Variants in RPL35A observed in about 807,000 individuals in gnomAD.
RPL35A encodes ribosomal protein L35a, also known as large ribosomal subunit protein eL33.
Under a neutral mutation model 16.7 loss-of-function variants are expected in RPL35A, and 1 was observed. The ratio of observed to expected loss-of-function variants is 0.06; its 90% CI spans 0.02 to 0.28. The LOEUF (loss-of-function observed/expected upper bound fraction) is 0.28. Among genes scored for constraint, RPL35A ranks in the 10% least tolerant of loss-of-function variants. The probability of loss-of-function intolerance (pLI) is 1.00; values close to 1 mark genes in which losing one functional copy is unlikely to be tolerated. For missense variants in RPL35A, 91 were observed against 138.7 expected (o/e 0.66, Z 1.73); for synonymous variants, 58 against 47.0 (o/e 1.23, Z -0.96).
At chr3:197,951,649 G>C in intron 3 of RPL35A, 1 of 319,058 alleles carries the variant, frequency 3.1e-6, no homozygotes, top group South Asian at 3.0e-5. Context: ...CACCGCGCCT[G>C]GCCTCATTAT....
At chr3:197,954,912 AT>A (rs1266404888) in intron 4 of RPL35A, among the ~76,000 whole-genome samples, 1 of 152,190 alleles carries the variant, frequency 6.6e-6, no homozygotes, top group African/African-American at 2.4e-5. Context: ...ATATTTTGCC[AT>A]TTCCATCATG....
intron 3 of RPL35A, among the ~76,000 whole-genome samples, chr3:197,951,940 G>T (rs1440995427): frequency 1.3e-5 from 2 of 152,040 alleles, no homozygotes; most frequent in Non-Finnish European, 2.9e-5. Flanking sequence ...CTTCTATTTT[G>T]CGTCATTAAG....
chr3:197,955,926 G>T lies in RPL35A; in HGVS notation c.*153G>T. On this transcript the variant is annotated 3_prime_UTR_variant, in exon 5 of 5. Coordinates refer to ENST00000647248, the MANE Select transcript of RPL35A (RefSeq NM_000996.4). The stretch of plus-strand genomic sequence containing the variant: ...GTACAAGGGGGTCAGAGAGACATGT[G>T]ATGAAAATTACAGGGCGAGTACAGA... The T allele has an allele frequency of 1.4e-6, 1 of 690,128 alleles. No homozygotes were observed. Among genetic ancestry groups the T allele is most frequent in the Non-Finnish European group, 2.6e-6 (1 of 384,384 alleles). The allele number at this position is 690,128 out of a possible 1,614,324, so 42.8% of individuals were successfully genotyped here.
At chr3:197,954,348 G>A (rs1232516664) in intron 4 of RPL35A, 1 of 615,564 alleles carries the variant, frequency 1.6e-6, no homozygotes, top group Non-Finnish European at 2.9e-6. Flanking sequence ...TTTTTTTTTG[G>A]GGGGAGACAG....
At chr3:197,952,489 TTTTCTTTTTTTC>T (rs1429419558) in intron 3 of RPL35A, 2 of 152,010 alleles carry the variant, frequency 1.3e-5, no homozygotes, top group Admixed American at 6.6e-5. Context: ...CTTTTCTTTC[TTTTCTTTTTTTC>T]TTTCTTTTTT....
chr3:197,950,877 G>A, intron 1 of RPL35A, 59 bp from the exon 2 acceptor site: 1 of 1,532,032 alleles, frequency 6.5e-7, no homozygotes. Flanking sequence ...AAACGAGAGG[G>A]GACGAGGTGG....
At chr3:197,952,014 T>G (rs528701021) in intron 3 of RPL35A, among the ~76,000 whole-genome samples, 4 of 152,170 alleles carry the variant, frequency 2.6e-5, no homozygotes, top group Non-Finnish European at 5.9e-5. Flanking sequence ...TAGGTACCTT[T>G]TGCACTTGTA....
chr3:197,950,835 TC>T (rs1444731067), intron 1 of RPL35A, 100 bp from the exon 2 acceptor site: 5 of 1,025,756 alleles, frequency 4.9e-6, no homozygotes, highest in Non-Finnish European at 7.5e-6. Context: ...TACATGAAAC[TC>T]CCATCCAAAA....
At chr3:197,952,488 C>A (rs1581102038) in intron 3 of RPL35A, 1 of 151,754 alleles carries the variant, frequency 6.6e-6, no homozygotes, top group East Asian at 1.9e-4. Flanking sequence ...TCTTTTCTTT[C>A]TTTTCTTTTT....
In RPL35A at chr3:197,955,855, A is replaced by T; in HGVS notation, c.*82A>T. 1 of 1,134,898 alleles carries T rather than the reference A, an allele frequency of 8.8e-7. No individual in the cohort carries two copies. Among genetic ancestry groups the T allele is most frequent in the Non-Finnish European group, 1.3e-6 (1 of 748,310 alleles). 70.3% of individuals were successfully genotyped at this position (1,134,898 alleles called of 1,614,324 possible). A position where few individuals can be genotyped will look rare whatever the true frequency, so the allele number is the denominator to read the frequency against. ...TTAAAAAACTTACTACCTTAAATTG[A>T]TTTGCTACATGCTTAAAATGATAGA... On this transcript the variant is annotated 3_prime_UTR_variant, in exon 5 of 5. Coordinates refer to ENST00000647248, the MANE Select transcript of RPL35A (RefSeq NM_000996.4).
intron 3 of RPL35A, chr3:197,953,634 A>G: frequency 2.2e-6 from 1 of 455,082 alleles, no homozygotes; most frequent in Non-Finnish European, 4.4e-6. Flanking sequence ...CCTCAGTGAG[A>G]CCTTCCTTGG....
chr3:197,953,847 T>G, intron 3 of RPL35A, 156 bp from the exon 4 acceptor site: 1 of 725,276 alleles, frequency 1.4e-6, no homozygotes, highest in Non-Finnish European at 2.5e-6. Context: ...AGTTACTCGA[T>G]AAGTATCTGT....
intron 4 of RPL35A, 116 bp downstream of exon 4, chr3:197,954,263 G>C (rs1303940033): frequency 9.7e-7 from 1 of 1,027,846 alleles, no homozygotes; most frequent in South Asian, 1.3e-5. Context: ...AAATTATGCT[G>C]CAAAATTTGT....
Position 197,950,210 on chromosome 3 carries a change from G to A in RPL35A, c.-44G>A, listed in dbSNP as rs1719933029. On this transcript the variant is annotated 5_prime_UTR_variant, in exon 1 of 5. Coordinates refer to ENST00000647248, the MANE Select transcript of RPL35A (RefSeq NM_000996.4). Reference sequence around the variant, plus strand: ...TCGTCCTTCTCTTACCGCCATCTTGGCTCCTGTGGAGGTGAGTGAAGGGTC... The same window carrying A: ...TCGTCCTTCTCTTACCGCCATCTTGACTCCTGTGGAGGTGAGTGAAGGGTC... The A allele has an allele frequency of 4.1e-6, 5 of 1,231,506 alleles. No homozygotes were observed. Among genetic ancestry groups the A allele is most frequent in the African/African-American group, 3.1e-5 (2 of 64,558 alleles). The allele number at this position is 1,231,506 out of a possible 1,614,324, so 76.3% of individuals were successfully genotyped here.
At chr3:197,952,162 G>GTTTTTTTTTTT (rs1161903755) in intron 3 of RPL35A, among the ~76,000 whole-genome samples, 2 of 83,888 alleles carry the variant, frequency 2.4e-5, no homozygotes, top group African/African-American at 1.0e-4. Flanking sequence ...AAAATTATGG[G>GTTTTTTTTTTT]TTTTTTTTTT....
At chr3:197,954,689 T>G (rs1476440177) in intron 4 of RPL35A, among the ~76,000 whole-genome samples, 1 of 152,124 alleles carries the variant, frequency 6.6e-6, no homozygotes, top group Non-Finnish European at 1.5e-5. Flanking sequence ...TTTTTTGTAT[T>G]TTTGTATTTT....
chr3:197,953,292 C>G (rs923279266), intron 3 of RPL35A, among the ~76,000 whole-genome samples: 2 of 152,150 alleles, frequency 1.3e-5, no homozygotes, highest in African/African-American at 4.8e-5. Context: ...GGGAGGATTG[C>G]TTGATGCCAG....
At chr3:197,952,177 T>G (rs1293297927) in intron 3 of RPL35A, among the ~76,000 whole-genome samples, 4 of 140,552 alleles carry the variant, frequency 2.8e-5, no homozygotes, top group South Asian at 2.4e-4. Context: ...TTTTTTTTTT[T>G]TTTTTTTTTT....
intron 3 of RPL35A, among the ~76,000 whole-genome samples, chr3:197,951,839 A>AG (rs931751614): frequency 1.3e-5 from 2 of 151,908 alleles, no homozygotes; most frequent in African/African-American, 4.8e-5. Flanking sequence ...CTGGGCTTAC[A>AG]GGGGTGTGCC....
Sources: gnomAD v4.1 joint callset for allele counts (sites outside exome capture counted in the v4.1 genomes callset) on GRCh38, gnomAD v4.1.1 for gene constraint, MANE v1.5 for transcripts, NCBI Gene and HGNC (gene_info 2026-07-23, HGNC 2026-07-21) for gene names.